Variants in PECAM1 observed in about 807,000 individuals in gnomAD.
PECAM1 encodes platelet endothelial cell adhesion molecule.
Under a neutral mutation model 13.8 loss-of-function variants are expected in PECAM1, and 8 were observed. That is an observed-to-expected ratio of 0.58 (90% CI 0.34 to 1.05). PECAM1 has a LOEUF of 1.05. Among genes scored for constraint, PECAM1 ranks in the 50% least tolerant of loss-of-function variants. PECAM1 has a pLI of 0.03. For missense variants in PECAM1, 304 were observed against 141.2 expected (o/e 2.15, Z -5.84); for synonymous variants, 136 against 52.6 (o/e 2.58, Z -6.86).
chr17:64,373,540 G>GTGTA (rs1489710234), intron 4 of PECAM1, among the ~76,000 whole-genome samples: 1 of 151,892 alleles, frequency 6.6e-6, no homozygotes, highest in Non-Finnish European at 1.5e-5. Context: ...GTGTGTGTGT[G>GTGTA]TGTGTGTGTG....
intron 15 of PECAM1, among the ~76,000 whole-genome samples, chr17:64,324,353 C>A (rs2034886610): frequency 6.6e-6 from 1 of 152,120 alleles, no homozygotes; most frequent in Non-Finnish European, 1.5e-5. Flanking sequence ...GCTCACTACA[C>A]CCTCCCTCTC....
At chr17:64,376,932 C>T (rs992303998) in intron 3 of PECAM1, among the ~76,000 whole-genome samples, 3 of 152,022 alleles carry the variant, frequency 2.0e-5, no homozygotes, top group Non-Finnish European at 2.9e-5. Context: ...GCCAAGGTCG[C>T]GCCATTGCTC....
chr17:64,324,360 T>C (rs919673233), intron 15 of PECAM1, among the ~76,000 whole-genome samples: 1 of 152,132 alleles, frequency 6.6e-6, no homozygotes, highest in Non-Finnish European at 1.5e-5. Context: ...ACACCCTCCC[T>C]CTCCTGGCTC....
Position 64,321,898 on chromosome 17 carries a change from G to A in PECAM1, c.*1918C>T, listed in dbSNP as rs267604996. The stretch of plus-strand genomic sequence containing the variant: ...GGGACTAAGGAACTCCCTGGACACA[G>A]GGGATCTGGCTGTCCCCAGATCATC... On this transcript the variant is annotated 3_prime_UTR_variant, in exon 16 of 16. Transcript: ENST00000563924. The A allele has an allele frequency of 1.5e-6, 2 of 1,347,262 alleles. No homozygotes were observed. The highest frequency in any genetic ancestry group is 3.8e-5 in the Admixed American group (2 of 52,494). The allele number at this position is 1,347,262 out of a possible 1,614,324, so 83.5% of individuals were successfully genotyped here. A position where few individuals can be genotyped will look rare whatever the true frequency, so the allele number is the denominator to read the frequency against.
intron 2 of PECAM1, among the ~76,000 whole-genome samples, chr17:64,384,469 T>G (rs990681704): frequency 2.6e-5 from 4 of 152,122 alleles, no homozygotes; most frequent in Non-Finnish European, 5.9e-5. Context: ...ACCAACAAAA[T>G]ACTCCATCAG....
At chr17:64,367,866 C>T (rs1191173776) in intron 5 of PECAM1, among the ~76,000 whole-genome samples, 1 of 152,084 alleles carries the variant, frequency 6.6e-6, no homozygotes, top group Non-Finnish European at 1.5e-5. Context: ...CATGAGCCAT[C>T]AAAATATAAG....
At chr17:64,350,643 CTTTT>C (rs869084700) in intron 11 of PECAM1, among the ~76,000 whole-genome samples, 1 of 51,142 alleles carries the variant, frequency 2.0e-5, no homozygotes, top group Non-Finnish European at 5.7e-5. Context: ...TTCTTTCTTT[CTTTT>C]TTTTTTTTTT....
At chr17:64,364,974 C>A (rs2036070304) in intron 5 of PECAM1, among the ~76,000 whole-genome samples, 2 of 151,246 alleles carry the variant, frequency 1.3e-5, no homozygotes, top group African/African-American at 4.9e-5. Flanking sequence ...CTGGCCAGGG[C>A]AATTAGGCAG....
rs912863129 is a variant in PECAM1, at chr17:64,321,791, C to T, written c.*2025G>A. On this transcript the variant is annotated 3_prime_UTR_variant, in exon 16 of 16. Coordinates refer to ENST00000563924, the MANE Select transcript of PECAM1 (RefSeq NM_000442.5). ...AACAAAACAAAACAAAAAATTCAGTCGTGCTGCATAAGTAAGGCACCAGGA... is the reference window on the plus strand; with the variant it reads ...AACAAAACAAAACAAAAAATTCAGTTGTGCTGCATAAGTAAGGCACCAGGA... 9 of 1,325,488 alleles carry T rather than the reference C, an allele frequency of 6.8e-6. No individual in the cohort carries two copies. In the Admixed American group the frequency reaches 1.4e-4, roughly 20 times the overall value. 82.1% of individuals were successfully genotyped at this position (1,325,488 alleles called of 1,614,324 possible). A position where few individuals can be genotyped will look rare whatever the true frequency, so the allele number is the denominator to read the frequency against.
At chr17:64,341,136 C>T (rs1249267303) in intron 14 of PECAM1, among the ~76,000 whole-genome samples, 1 of 147,244 alleles carries the variant, frequency 6.8e-6, no homozygotes, top group Non-Finnish European at 1.5e-5. Context: ...TGGTGGCGGG[C>T]GCCTGTAATC....
Position 64,322,356 on chromosome 17 carries a change from A to C in PECAM1, c.*1460T>G. ...AGCAGAGGTTGCGCCGCTGCAGTCC[A>C]GCCCGGGCAACAAGAGCGAATCTCC... On this transcript the variant is annotated 3_prime_UTR_variant, in exon 16 of 16. Coordinates refer to ENST00000563924, the MANE Select transcript of PECAM1 (RefSeq NM_000442.5). The C allele has an allele frequency of 2.0e-5, 18 of 912,370 alleles. No individual in the cohort carries two copies. Among genetic ancestry groups the C allele is most frequent in the South Asian group, 5.0e-5 (1 of 20,108 alleles). The allele number at this position is 912,370 out of a possible 1,614,324, so 56.5% of individuals were successfully genotyped here. A position where few individuals can be genotyped will look rare whatever the true frequency, so the allele number is the denominator to read the frequency against.
At chr17:64,382,842 G>A (rs2036510707) in intron 2 of PECAM1, among the ~76,000 whole-genome samples, 1 of 151,742 alleles carries the variant, frequency 6.6e-6, no homozygotes, top group African/African-American at 2.4e-5. Flanking sequence ...TTCGAGACCA[G>A]CCTCCTGGCT....
chr17:64,370,288 C>T, intron 4 of PECAM1: 1 of 304,574 alleles, frequency 3.3e-6, no homozygotes, highest in East Asian at 5.2e-5. Context: ...TTCTCTAGAT[C>T]TCGCCTTCAG....
At chr17:64,352,009 G>C (rs1191726175) in intron 11 of PECAM1, among the ~76,000 whole-genome samples, 1 of 152,184 alleles carries the variant, frequency 6.6e-6, no homozygotes. Flanking sequence ...AAGTAAAACT[G>C]TCTTGTGCTT....
Position 64,329,722 on chromosome 17 carries a change from T to C in PECAM1, c.2165A>G (p.Asp722Gly), listed in dbSNP as rs368999530. 6.9e-5 allele frequency: 53 copies of C among 769,426 alleles called. No homozygotes were observed. Among genetic ancestry groups the C allele is most frequent in the South Asian group, 6.6e-4 (48 of 72,652 alleles). The allele number at this position is 769,426 out of a possible 1,614,324, so 47.7% of individuals were successfully genotyped here. The change falls in exon 15 of 16, where the codon GAT becomes GGT. Residue 722 changes from aspartate to glycine, a missense_variant and splice_region_variant. Physicochemically the swap from Asp to Gly is moderately conservative, Grantham distance 94. Transcript: ENST00000563924. ...VYSEVRKAVPDAVESRYSRTE... is the reference protein window; with the variant it reads ...VYSEVRKAVPGAVESRYSRTE... ...TACAGAGTATCTGCTTTCCACGGCA[T>C]CTACAAAACAAAGGATGACATGGCA...
At chr17:64,367,367 T>C (rs898135700) in intron 5 of PECAM1, among the ~76,000 whole-genome samples, 28 of 152,104 alleles carry the variant, frequency 1.8e-4, no homozygotes, top group Non-Finnish European at 3.4e-4. Context: ...CCGGCCAACA[T>C]GGCGAAACCC....
chr17:64,324,419 A>T (rs2034888825), intron 15 of PECAM1, among the ~76,000 whole-genome samples: 1 of 152,146 alleles, frequency 6.6e-6, no homozygotes, highest in South Asian at 2.1e-4. Context: ...TGTAGGGACC[A>T]TAGCCTCTGT....
chr17:64,321,904 C>A lies in PECAM1; in HGVS notation c.*1912G>T. 1 of 1,345,672 alleles carries A rather than the reference C, an allele frequency of 7.4e-7. No individual in the cohort carries two copies. The highest frequency in any genetic ancestry group is 2.1e-4 in the Middle Eastern group (1 of 4,746). 83.4% of individuals were successfully genotyped at this position (1,345,672 alleles called of 1,614,324 possible). On this transcript the variant is annotated 3_prime_UTR_variant, in exon 16 of 16. Transcript: ENST00000563924. ...AAGGAACTCCCTGGACACAGGGGATCTGGCTGTCCCCAGATCATCAACAGA... is the reference window on the plus strand; with the variant it reads ...AAGGAACTCCCTGGACACAGGGGATATGGCTGTCCCCAGATCATCAACAGA...
rs2143779956 is a variant in PECAM1 at position 64,352,511 on chromosome 17, T to C, written c.1917-48A>G. 7.0e-6 allele frequency: 3 copies of C among 427,652 alleles called. No homozygotes were observed. The East Asian group carries it at 1.1e-4, about 15-fold the overall frequency. 26.5% of individuals were successfully genotyped at this position (427,652 alleles called of 1,614,324 possible). Reference sequence around the variant, plus strand: ...GAAAACAATATATAGATATATTTGTTGTTGTTATTGTTCTAACCCCAAACC... The same window carrying C: ...GAAAACAATATATAGATATATTTGTCGTTGTTATTGTTCTAACCCCAAACC... On this transcript the variant is annotated intron_variant, in intron 10 of 15. Coordinates refer to ENST00000563924, the MANE Select transcript of PECAM1 (RefSeq NM_000442.5).
Sources: allele counts gnomAD v4.1 joint callset (sites outside exome capture counted in the v4.1 genomes callset), GRCh38; gene constraint gnomAD v4.1.1; transcripts MANE v1.5; gene names NCBI Gene and HGNC (gene_info 2026-07-23, HGNC 2026-07-21).